Variants in TUBGCP2 observed in about 807,000 individuals in gnomAD.
The protein encoded by TUBGCP2 is gamma-tubulin complex component 2.
Under a neutral mutation model 92.2 loss-of-function variants are expected in TUBGCP2, and 55 were observed. The observed-to-expected ratio is 0.60, with a 90% CI of 0.48 to 0.75. TUBGCP2 has a LOEUF of 0.75. TUBGCP2 is among the 30% of genes least tolerant of loss of function. The pLI is 0.00. For synonymous variants in TUBGCP2, 533 were observed against 505.2 expected, an observed-to-expected ratio of 1.06 and a Z score of -0.74; for missense variants, 1,093 against 1,188.9, an observed-to-expected ratio of 0.92 and a Z score of 1.19.
upstream of TUBGCP2, chr10:133,308,922 G>A: frequency 8.2e-7 from 1 of 1,214,094 alleles, no homozygotes; most frequent in Non-Finnish European, 1.0e-6. Context: ...CCGACAGGCT[G>A]CGCCCGCCCG....
chr10:133,285,255 C>T lies in TUBGCP2; in HGVS notation c.1896-42G>A, dbSNP rs759834120. Reference sequence around the variant, plus strand: ...GGCACCTCAGGTGGGCCTCCGTGACCGGCGGCGTCGTGGACACGGCGTCTG... The same window carrying T: ...GGCACCTCAGGTGGGCCTCCGTGACTGGCGGCGTCGTGGACACGGCGTCTG... On this transcript the variant is annotated intron_variant, in intron 12 of 17. Coordinates refer to ENST00000252936, the MANE Select transcript of TUBGCP2 (RefSeq NM_006659.4). This position sits in a 1 kb window ranked among gnomAD's most constrained non-coding sequence, Gnocchi z 6.8. 6.8e-6 allele frequency: 11 copies of T among 1,607,582 alleles called. No homozygotes were observed. Among genetic ancestry groups the T allele is most frequent in the Admixed American group, 3.3e-5 (2 of 59,960 alleles).
upstream of TUBGCP2, chr10:133,309,884 C>A: frequency 6.2e-7 from 1 of 1,613,802 alleles, no homozygotes; most frequent in Non-Finnish European, 8.5e-7. Flanking sequence ...GCTCCTTTTG[C>A]AAGCGGGCCT....
chr10:133,291,318 G>GATCCACTTCTCCAGAACCTCGAAGT (rs1847294772), intron 8 of TUBGCP2, among the ~76,000 whole-genome samples: 2 of 46,114 alleles, frequency 4.3e-5, no homozygotes, highest in African/African-American at 7.4e-5. Context: ...CTGTACGGGA[G>GATCCACTTCTCCAGAACCTCGAAGT]AGGGCAGCAT....
intron 13 of TUBGCP2, 72 bp from the exon 14 acceptor site, chr10:133,284,074 G>A: frequency 6.3e-7 from 1 of 1,577,902 alleles, no homozygotes; most frequent in Admixed American, 1.7e-5. Context: ...GTGACACGGA[G>A]GACGGAGGAC....
chr10:133,280,792 G>A (rs1489851417), intron 17 of TUBGCP2, among the ~76,000 whole-genome samples: 2 of 151,870 alleles, frequency 1.3e-5, no homozygotes, highest in Non-Finnish European at 2.9e-5. Context: ...CGCTGGGCTG[G>A]GGCAGATGCT....
chr10:133,292,836 G>C, intron 7 of TUBGCP2, 148 bp from the exon 8 acceptor site: 1 of 1,164,156 alleles, frequency 8.6e-7, no homozygotes, highest in Non-Finnish European at 1.2e-6. Flanking sequence ...TAAGGTTGTA[G>C]TTGCTGATTT....
intron 1 of TUBGCP2, among the ~76,000 whole-genome samples, chr10:133,306,604 G>C (rs1456332686): frequency 6.6e-6 from 1 of 152,088 alleles, no homozygotes; most frequent in South Asian, 2.1e-4. Flanking sequence ...TGGCTAACAT[G>C]GTGAAACCCC....
upstream of TUBGCP2, chr10:133,309,008 C>T (rs1290771213): frequency 3.2e-6 from 4 of 1,255,938 alleles, no homozygotes; most frequent in African/African-American, 1.5e-5. Flanking sequence ...GAGCCGCTGC[C>T]TGTAGAGCGG....
chr10:133,293,245 G>A lies in TUBGCP2; in HGVS notation c.825-7C>T. 1.9e-6 allele frequency: 3 copies of A among 1,612,432 alleles called. No individual in the cohort carries two copies. The highest frequency in any genetic ancestry group is 2.5e-6 in the Non-Finnish European group (3 of 1,179,272). ...AGACTTCTCTTCAATGAACCTGGAA[G>A]AAAAGCTGTCAGACTTCCTCAAAAA... On this transcript the variant is annotated splice_polypyrimidine_tract_variant and splice_region_variant and intron_variant, in intron 6 of 17. Transcript: ENST00000252936.
At chr10:133,288,057 C>T in intron 11 of TUBGCP2, 72 bp downstream of exon 11, 3 of 1,531,874 alleles carry the variant, frequency 2.0e-6, no homozygotes, top group South Asian at 2.5e-5. Flanking sequence ...CAGGGCTGGC[C>T]TCTGCTGTGC....
intron 5 of TUBGCP2, chr10:133,295,543 A>T (rs757714702): frequency 6.6e-6 from 1 of 152,262 alleles, no homozygotes; most frequent in Non-Finnish European, 1.5e-5. Context: ...ACCACGTCCG[A>T]ACGACCACCG....
intron 5 of TUBGCP2, among the ~76,000 whole-genome samples, 168 bp downstream of exon 5, chr10:133,297,784 G>A (rs1382171186): frequency 6.6e-6 from 1 of 152,272 alleles, no homozygotes; most frequent in South Asian, 2.1e-4. Context: ...CAGCCAGTCA[G>A]CATTGAGCCT....
chr10:133,283,530 G>A (rs1322105284), intron 14 of TUBGCP2, among the ~76,000 whole-genome samples: 1 of 152,260 alleles, frequency 6.6e-6, no homozygotes, highest in Non-Finnish European at 1.5e-5. Flanking sequence ...GACAACCTCG[G>A]GGCAAAGACG....
upstream of TUBGCP2, chr10:133,309,719 G>C: frequency 3.8e-6 from 6 of 1,595,100 alleles, no homozygotes; most frequent in Non-Finnish European, 5.1e-6. Flanking sequence ...TGTGCAGAAA[G>C]TCCAGCTTGG....
rs1402112820 is a variant in TUBGCP2 at position 133,285,740 on chromosome 10, A to G, written c.1723-112T>C. Reference sequence around the variant, plus strand: ...CCAGCGCTGACGTAAGGTTCCCTACATTCCGATTCTAAATATCAGAGGCTT... The same window carrying G: ...CCAGCGCTGACGTAAGGTTCCCTACGTTCCGATTCTAAATATCAGAGGCTT... On this transcript the variant is annotated intron_variant, in intron 11 of 17. Coordinates refer to ENST00000252936, the MANE Select transcript of TUBGCP2 (RefSeq NM_006659.4). The surrounding 1 kb of genome is among the most constrained non-coding windows in gnomAD (Gnocchi z 6.8). 2.0e-5 allele frequency: 21 copies of G among 1,047,178 alleles called. No individual in the cohort carries two copies. The highest frequency in any genetic ancestry group is 2.6e-4 in the Middle Eastern group (1 of 3,786). The allele number at this position is 1,047,178 out of a possible 1,614,324, so 64.9% of individuals were successfully genotyped here.
At chr10:133,291,234 G>GCACACTC (rs1271259417) in intron 8 of TUBGCP2, among the ~76,000 whole-genome samples, 1 of 127,804 alleles carries the variant, frequency 7.8e-6, no homozygotes, top group Non-Finnish European at 1.5e-5. Context: ...AGGGCAGCAC[G>GCACACTC]CGCCCTCCGT....
At chr10:133,293,259 C>T (rs918997308) in intron 6 of TUBGCP2, 21 bp from the exon 7 acceptor site, 32 of 1,610,814 alleles carry the variant, frequency 2.0e-5, no homozygotes, top group Non-Finnish European at 2.7e-5. Flanking sequence ...AGCTGTCAGA[C>T]TTCCTCAAAA....
chr10:133,282,441 T>C, intron 15 of TUBGCP2, 99 bp from the exon 16 acceptor site: 1 of 1,440,300 alleles, frequency 6.9e-7, no homozygotes, highest in Non-Finnish European at 9.1e-7. Flanking sequence ...TCCGCACCTC[T>C]GTTGTAGCCT....
At chr10:133,297,786 A>G (rs572204492) in intron 5 of TUBGCP2, among the ~76,000 whole-genome samples, 166 bp downstream of exon 5, 1 of 152,356 alleles carries the variant, frequency 6.6e-6, no homozygotes, top group South Asian at 2.1e-4. Flanking sequence ...GCCAGTCAGC[A>G]TTGAGCCTCA....
Sources: allele counts gnomAD v4.1 joint callset (sites outside exome capture counted in the v4.1 genomes callset), GRCh38; gene constraint gnomAD v4.1.1; non-coding constraint Gnocchi (gnomAD v3.1); transcripts MANE v1.5; gene names NCBI Gene and HGNC (gene_info 2026-07-23, HGNC 2026-07-21).